Variants in SYN3 observed in about 807,000 individuals in gnomAD.
SYN3 encodes synapsin III.
A neutral mutation model predicts 65.8 loss-of-function variants in SYN3; 35 were observed. The ratio of observed to expected loss-of-function variants is 0.53; its 90% CI spans 0.41 to 0.70. The LOEUF (loss-of-function observed/expected upper bound fraction) is 0.70, where lower values mean the gene tolerates loss of function less well. Among genes scored for constraint, SYN3 ranks in the 30% least tolerant of loss-of-function variants. The pLI is 0.00. For synonymous variants in SYN3, 270 were observed against 292.9 expected, an observed-to-expected ratio of 0.92 and a Z score of 0.80; for missense variants, 680 against 749.0, an observed-to-expected ratio of 0.91 and a Z score of 1.08.
At chr22:32,959,129 T>C (rs1424762506) in intron 3 of SYN3, among the ~76,000 whole-genome samples, 7 of 152,114 alleles carry the variant, frequency 4.6e-5, no homozygotes, top group Admixed American at 2.0e-4. Context: ...TGGGAGATAA[T>C]TGAATCATGG....
chr22:32,571,326 C>T (rs1020408772), intron 7 of SYN3, among the ~76,000 whole-genome samples: 87 of 152,196 alleles, frequency 5.7e-4, no homozygotes, highest in African/African-American at 2.1e-3. Context: ...GAGTGGCTGG[C>T]CCTGGGTTGC....
At chr22:32,749,671 T>C (rs1380493541) in intron 6 of SYN3, among the ~76,000 whole-genome samples, 2 of 152,062 alleles carry the variant, frequency 1.3e-5, no homozygotes, top group Non-Finnish European at 2.9e-5. Flanking sequence ...AAATTCAACA[T>C]ATACATTTTG....
intron 1 of SYN3, among the ~76,000 whole-genome samples, chr22:33,051,794 C>T (rs998373164): frequency 1.3e-5 from 2 of 152,152 alleles, no homozygotes; most frequent in African/African-American, 4.8e-5. Flanking sequence ...GGCCACTGGA[C>T]TGAGCCGGAG....
intron 6 of SYN3, among the ~76,000 whole-genome samples, chr22:32,666,085 T>G (rs1230061950): frequency 2.0e-5 from 3 of 152,214 alleles, no homozygotes; most frequent in African/African-American, 7.2e-5. Flanking sequence ...TCACACCCAA[T>G]CCATGAGCAA....
intron 10 of SYN3, among the ~76,000 whole-genome samples, chr22:32,529,706 G>A (rs2058039524): frequency 6.6e-6 from 1 of 152,174 alleles, no homozygotes; most frequent in African/African-American, 2.4e-5. Context: ...CCCTGGGCAT[G>A]GGAAGCTATG....
At chr22:32,915,220 A>G (rs1427679925) in intron 4 of SYN3, among the ~76,000 whole-genome samples, 2 of 152,192 alleles carry the variant, frequency 1.3e-5, no homozygotes, top group African/African-American at 4.8e-5. Context: ...ATGTATACCT[A>G]TGTAACAGAC....
At chr22:32,817,692 TGG>T (rs1569247937) in intron 6 of SYN3, among the ~76,000 whole-genome samples, 1 of 152,248 alleles carries the variant, frequency 6.6e-6, no homozygotes, top group Non-Finnish European at 1.5e-5. Flanking sequence ...TAATCTTGCT[TGG>T]CTCAGTTCTG....
At chr22:32,586,738 A>G (rs760681330) in intron 7 of SYN3, among the ~76,000 whole-genome samples, 51 of 152,238 alleles carry the variant, frequency 3.4e-4, no homozygotes, top group Middle Eastern at 3.4e-3. Flanking sequence ...TGGGGCTACA[A>G]AGGAATTTTT....
intron 1 of SYN3, among the ~76,000 whole-genome samples, chr22:33,049,659 T>C (rs951321934): frequency 6.6e-6 from 1 of 152,222 alleles, no homozygotes; most frequent in Non-Finnish European, 1.5e-5. Context: ...TCTGGAAGCA[T>C]GCCTCTTAGT....
At chr22:32,520,646 C>T (rs973376552) in intron 12 of SYN3, among the ~76,000 whole-genome samples, 2 of 152,230 alleles carry the variant, frequency 1.3e-5, no homozygotes, top group Admixed American at 6.5e-5. Flanking sequence ...CGGCTTCCTT[C>T]AGCTGAAGCA....
rs1338376483 is a variant in SYN3, at chr22:32,813,528, CACACACACGT to C, written c.711+51377_711+51386del. 3.1e-4 allele frequency among the ~76,000 whole-genome samples: 45 copies of C among 143,746 alleles called. 1 individual carries two copies. The highest frequency in any genetic ancestry group is 1.1e-3 in the African/African-American group (44 of 39,064). 94.3% of individuals were successfully genotyped at this position (143,746 alleles called of 152,430 possible). ...ACACACACACACACACACACACACA[CACACACACGT>C]GGACCAAACAAAACATGTCCATGGG... On this transcript the variant is annotated intron_variant, in intron 6 of 13. Transcript: ENST00000358763.
chr22:32,865,930 G>A (rs1232978706), intron 5 of SYN3, among the ~76,000 whole-genome samples: 1 of 152,140 alleles, frequency 6.6e-6, no homozygotes, highest in African/African-American at 2.4e-5. Flanking sequence ...GAAGGAGAAA[G>A]GGCCCTCCGG....
chr22:32,931,614 T>C lies in SYN3; in HGVS notation c.370-133A>G, dbSNP rs1190726885. 3 of 629,548 alleles carry C rather than the reference T, an allele frequency of 4.8e-6. No individual in the cohort carries two copies. The Admixed American group carries it at 7.9e-5, about 17-fold the overall frequency. 39.0% of individuals were successfully genotyped at this position (629,548 alleles called of 1,614,324 possible). ...CCTCAAACTTAGGAAGTTGCCGATA[T>C]TATTTTCATCTTTCTTTTTGAAAGA... On this transcript the variant is annotated intron_variant, in intron 3 of 13. Transcript: ENST00000358763.
At chr22:32,738,664 A>G (rs1224988107) in intron 6 of SYN3, among the ~76,000 whole-genome samples, 1 of 152,244 alleles carries the variant, frequency 6.6e-6, no homozygotes, top group South Asian at 2.1e-4. Flanking sequence ...TTAATGCATG[A>G]GTAGGAATTT....
intron 6 of SYN3, among the ~76,000 whole-genome samples, chr22:32,632,132 C>A (rs1250186654): frequency 6.6e-6 from 1 of 152,212 alleles, no homozygotes; most frequent in Non-Finnish European, 1.5e-5. Context: ...GGGGTATTGG[C>A]AGTATGTGAG....
intron 6 of SYN3, among the ~76,000 whole-genome samples, chr22:32,734,056 G>A (rs1602012882): frequency 6.6e-6 from 1 of 152,156 alleles, no homozygotes; most frequent in East Asian, 1.9e-4. Context: ...ACTGTCTAGG[G>A]CCACTGCTGT....
chr22:32,617,218 G>A (rs1236996143), intron 6 of SYN3, among the ~76,000 whole-genome samples: 1 of 152,102 alleles, frequency 6.6e-6, no homozygotes, highest in Non-Finnish European at 1.5e-5. Context: ...CAACAAACTT[G>A]GAGCCTCAAC....
At chr22:32,783,770 C>T (rs760082039) in intron 6 of SYN3, among the ~76,000 whole-genome samples, 1 of 152,180 alleles carries the variant, frequency 6.6e-6, no homozygotes, top group Non-Finnish European at 1.5e-5. Flanking sequence ...ACCCTTTGGT[C>T]CTAGTGTCTT....
At chr22:32,964,821 T>C (rs1296693214) in intron 3 of SYN3, among the ~76,000 whole-genome samples, 1 of 152,070 alleles carries the variant, frequency 6.6e-6, no homozygotes, top group Non-Finnish European at 1.5e-5. Flanking sequence ...TGACAGAACT[T>C]AGCTCCATTT....
Sources: allele counts gnomAD v4.1 joint callset (sites outside exome capture counted in the v4.1 genomes callset), GRCh38; gene constraint gnomAD v4.1.1; transcripts MANE v1.5; gene names NCBI Gene and HGNC (gene_info 2026-07-23, HGNC 2026-07-21).